The following AKT3 variants were observed in gnomAD, a reference collection of about 807,000 sequenced individuals.
AKT3 encodes the protein RAC-gamma serine/threonine-protein kinase.
A neutral mutation model predicts 65.3 loss-of-function variants in AKT3; 15 were observed. The observed-to-expected ratio is 0.23, with a 90% CI of 0.15 to 0.35. AKT3 has a LOEUF of 0.35. Among genes scored for constraint, AKT3 ranks in the 10% least tolerant of loss-of-function variants. AKT3 has a pLI of 1.00. For synonymous variants in AKT3, 206 were observed against 183.8 expected, an observed-to-expected ratio of 1.12 and a Z score of -0.98; for missense variants, 243 against 576.5, an observed-to-expected ratio of 0.42 and a Z score of 5.92.
intron 2 of AKT3, among the ~76,000 whole-genome samples, chr1:243,733,036 A>G (rs1687651425): frequency 6.6e-6 from 1 of 152,216 alleles, no homozygotes; most frequent in Admixed American, 6.5e-5. Flanking sequence ...ACCAGCTGCA[A>G]TTACTATAAT....
chr1:243,573,025 C>T lies in AKT3; in HGVS notation c.720G>A (p.Glu240=), dbSNP rs1204640048. ...GTGTGCGGTCCTCAGAGAACACCCG[C>T]TCTCTCGACAAATGGAAAAACAGCT... ...GGELFFHLSR[E]RVFSEDRTRF... is the part of the protein sequence containing the mutation. Residue 240 remains glutamate (E), a synonymous_variant, in exon 9 of 14, where the codon GAG becomes GAA. Transcript: ENST00000673466. 6.2e-7 allele frequency: 1 copy of T among 1,613,430 alleles called. No homozygotes were observed. Among genetic ancestry groups the T allele is most frequent in the Admixed American group, 1.7e-5 (1 of 59,972 alleles).
At chr1:243,598,497 G>A (rs1030270165) in intron 8 of AKT3, among the ~76,000 whole-genome samples, 1 of 152,006 alleles carries the variant, frequency 6.6e-6, no homozygotes, top group African/African-American at 2.4e-5. Flanking sequence ...CATTCTATTA[G>A]GAAGAAATTT....
At chr1:243,684,655 T>C (rs1684159314) in intron 3 of AKT3, among the ~76,000 whole-genome samples, 1 of 152,194 alleles carries the variant, frequency 6.6e-6, no homozygotes, top group Non-Finnish European at 1.5e-5. Flanking sequence ...TGATTTATAA[T>C]CCTTTGGGTG....
intron 13 of AKT3, among the ~76,000 whole-genome samples, chr1:243,511,914 A>G (rs190468699): frequency 1.3e-5 from 2 of 152,258 alleles, no homozygotes; most frequent in African/African-American, 4.8e-5. Flanking sequence ...ATGAATTTTA[A>G]AACTATTAAG....
Position 243,693,135 on chromosome 1 carries a change from C to T in AKT3, c.172+2456G>A, listed in dbSNP as rs1572180947. ...CTGTTCTTTTCATATAAATAAAAAG[C>T]CTATTTTGGTAAAATTTCATTAAAA... On this transcript the variant is annotated intron_variant, in intron 3 of 13. Coordinates refer to ENST00000673466, the MANE Select transcript of AKT3 (RefSeq NM_005465.7). Among the ~76,000 whole-genome samples, 5 of 149,214 alleles carry T rather than the reference C, an allele frequency of 3.4e-5. No individual in the cohort carries two copies. In the Middle Eastern group the frequency reaches 0.014, roughly 423 times the overall value.
rs538513284 is a variant in AKT3, at chr1:243,515,743, C to A, written c.1252-3317G>T. ...TGGTGGCTCATGCCTGTAATCCCAG[C>A]ACTTTGGGAGGCCGAGGCAGGCAGA... On this transcript the variant is annotated intron_variant, in intron 12 of 13. Transcript: ENST00000673466. Among the ~76,000 whole-genome samples, 5 of 152,292 alleles carry A rather than the reference C, an allele frequency of 3.3e-5. No individual in the cohort carries two copies. The South Asian group carries it at 6.2e-4, about 19-fold the overall frequency.
rs541208837 is a variant in AKT3 at position 243,581,913 on chromosome 1, A to G, written c.697-8865T>C. Among the ~76,000 whole-genome samples, 7 of 152,158 alleles carry G rather than the reference A, an allele frequency of 4.6e-5. No homozygotes were observed. In the East Asian group the frequency reaches 1.4e-3, roughly 29 times the overall value. Reference sequence around the variant, plus strand: ...AGAGAAATCAATCAGACTTTCTGGAATTGAAAAAATTCACATAAGGAATTT... The same window carrying G: ...AGAGAAATCAATCAGACTTTCTGGAGTTGAAAAAATTCACATAAGGAATTT... On this transcript the variant is annotated intron_variant, in intron 8 of 13. Coordinates refer to ENST00000673466, the MANE Select transcript of AKT3 (RefSeq NM_005465.7).
At chr1:243,785,114 G>C (rs1253405490) in intron 2 of AKT3, among the ~76,000 whole-genome samples, 1 of 150,620 alleles carries the variant, frequency 6.6e-6, no homozygotes, top group Non-Finnish European at 1.5e-5. Flanking sequence ...GCCCAGGCTG[G>C]AGTGCAGTGG....
intron 2 of AKT3, among the ~76,000 whole-genome samples, chr1:243,715,872 A>C (rs1686483624): frequency 6.6e-6 from 1 of 152,108 alleles, no homozygotes; most frequent in African/African-American, 2.4e-5. Context: ...TACTCCATTT[A>C]GTGATAATAC....
intron 3 of AKT3, among the ~76,000 whole-genome samples, chr1:243,670,672 T>C (rs774613248): frequency 5.3e-5 from 8 of 152,226 alleles, no homozygotes; most frequent in Non-Finnish European, 1.0e-4. Context: ...AATGTGCTTA[T>C]ACAAAATGCC....
At chr1:243,766,683 T>C (rs535584151) in intron 2 of AKT3, among the ~76,000 whole-genome samples, 1 of 152,272 alleles carries the variant, frequency 6.6e-6, no homozygotes, top group South Asian at 2.1e-4. Flanking sequence ...ACATAGACTT[T>C]ATGGAATCAC....
At chr1:243,649,390 G>T (rs914111718) in intron 4 of AKT3, among the ~76,000 whole-genome samples, 11 of 145,114 alleles carry the variant, frequency 7.6e-5, no homozygotes, top group African/African-American at 2.6e-4. Flanking sequence ...ATATATATAT[G>T]TTATGTGTAT....
chr1:243,637,879 A>G (rs1012268803), intron 5 of AKT3, 137 bp from the exon 6 acceptor site: 9 of 535,698 alleles, frequency 1.7e-5, no homozygotes, highest in Non-Finnish European at 2.8e-5. Flanking sequence ...AAAAAGAATC[A>G]GACTGGCATT....
intron 13 of AKT3, among the ~76,000 whole-genome samples, chr1:243,492,838 C>T (rs1255136990): frequency 1.3e-5 from 2 of 152,162 alleles, no homozygotes; most frequent in Non-Finnish European, 2.9e-5. Flanking sequence ...AACTCCTGAC[C>T]TCAGGTGATC....
intron 2 of AKT3, among the ~76,000 whole-genome samples, chr1:243,727,948 A>G (rs1558758574): frequency 6.6e-6 from 1 of 152,356 alleles, no homozygotes; most frequent in Non-Finnish European, 1.5e-5. Flanking sequence ...ACTCAGCTAC[A>G]TCTCTCAAAA....
At chr1:243,680,436 C>T (rs1175341633) in intron 3 of AKT3, among the ~76,000 whole-genome samples, 1 of 152,010 alleles carries the variant, frequency 6.6e-6, no homozygotes, top group East Asian at 1.9e-4. Flanking sequence ...TCTTCCCCTG[C>T]ATTTCATTTT....
intron 13 of AKT3, among the ~76,000 whole-genome samples, chr1:243,509,594 C>T (rs146417297): frequency 1.2e-4 from 18 of 152,278 alleles, no homozygotes; most frequent in Admixed American, 2.0e-4. Flanking sequence ...TTCTGAGCAT[C>T]GCATTAGTCA....
At chr1:243,691,634 A>G (rs919500217) in intron 3 of AKT3, among the ~76,000 whole-genome samples, 1 of 152,194 alleles carries the variant, frequency 6.6e-6, no homozygotes, top group Non-Finnish European at 1.5e-5. Flanking sequence ...AGGCATGGAA[A>G]GGATCCATGT....
intron 4 of AKT3, among the ~76,000 whole-genome samples, chr1:243,654,757 T>C (rs1681633989): frequency 6.6e-6 from 1 of 152,218 alleles, no homozygotes; most frequent in Non-Finnish European, 1.5e-5. Flanking sequence ...TTGGGAACAT[T>C]ATTCAATTAT....
Sources: allele counts gnomAD v4.1 joint callset (sites outside exome capture counted in the v4.1 genomes callset), GRCh38; gene constraint gnomAD v4.1.1; transcripts MANE v1.5; gene names NCBI Gene and HGNC (gene_info 2026-07-23, HGNC 2026-07-21).